VTA1: variants seen among roughly 807,000 people sequenced by gnomAD.
The protein encoded by VTA1 is vesicle trafficking 1.
Under a neutral mutation model 36.9 loss-of-function variants are expected in VTA1, and 24 were observed. The observed-to-expected ratio is 0.65, with a 90% CI of 0.47 to 0.91. The LOEUF is 0.91. Ranked by LOEUF, VTA1 falls within the 40% of genes least tolerant of loss-of-function variation. The probability of loss-of-function intolerance (pLI) is 0.00; values close to 1 mark genes in which losing one functional copy is unlikely to be tolerated. For missense variants in VTA1, 393 were observed against 377.2 expected (o/e 1.04, Z -0.35); for synonymous variants, 142 against 130.2 (o/e 1.09, Z -0.62).
chr6:142,155,537 G>A (rs1211045401), intron 1 of VTA1, among the ~76,000 whole-genome samples: 3 of 152,064 alleles, frequency 2.0e-5, no homozygotes, highest in South Asian at 2.1e-4. Context: ...TGTGGAATAC[G>A]GAATTATTAT....
intron 1 of VTA1, among the ~76,000 whole-genome samples, chr6:142,161,809 A>AGTGTACTTAAACTGAGTTTTC (rs1408031402): frequency 1.3e-5 from 2 of 152,114 alleles, no homozygotes; most frequent in African/African-American, 2.4e-5. Flanking sequence ...AAGATGTTTT[A>AGTGTACTTAAACTGAGTTTTC]GTGTACTTAA....
chr6:142,151,273 T>TA (rs1343675442), intron 1 of VTA1, among the ~76,000 whole-genome samples: 4 of 152,192 alleles, frequency 2.6e-5, no homozygotes, highest in South Asian at 2.1e-4. Context: ...CAGAGTCTCT[T>TA]ACATTTATAC....
At chr6:142,204,096 T>C in intron 7 of VTA1, 31 bp downstream of exon 7, 2 of 1,591,212 alleles carry the variant, frequency 1.3e-6, no homozygotes, top group East Asian at 2.2e-5. Flanking sequence ...GTGAGATACA[T>C]TTATCTCCTG....
Position 142,218,776 on chromosome 6 carries a change from A to G in VTA1, c.*133A>G, listed in dbSNP as rs1404869778. ...GAATATGACAATGAAATCTGTGTGT[A>G]TCAGATTTTTATTGAAGCATTCATC... is the stretch of plus-strand genomic sequence containing the variant. On this transcript the variant is annotated 3_prime_UTR_variant, in exon 8 of 8. Coordinates refer to ENST00000367630, the MANE Select transcript of VTA1 (RefSeq NM_016485.5). The G allele has an allele frequency of 4.7e-6, 5 of 1,073,966 alleles. No homozygotes were observed. Among genetic ancestry groups the G allele is most frequent in the Non-Finnish European group, 6.3e-6 (5 of 788,208 alleles). The allele number at this position is 1,073,966 out of a possible 1,614,324, so 66.5% of individuals were successfully genotyped here.
chr6:142,200,652 G>GT (rs1201201929), intron 6 of VTA1, among the ~76,000 whole-genome samples: 11 of 151,930 alleles, frequency 7.2e-5, no homozygotes, highest in African/African-American at 2.7e-4. Flanking sequence ...CTAATACACA[G>GT]TGTATCCTGG....
At chr6:142,195,496 A>G (rs1237319813) in intron 5 of VTA1, among the ~76,000 whole-genome samples, 2 of 144,686 alleles carry the variant, frequency 1.4e-5, no homozygotes, top group Non-Finnish European at 3.1e-5. Flanking sequence ...AGATGTTTTA[A>G]TTTTTTTTAT....
intron 1 of VTA1, among the ~76,000 whole-genome samples, chr6:142,157,757 A>G (rs1187616158): frequency 5.3e-5 from 8 of 152,158 alleles, no homozygotes; most frequent in African/African-American, 1.7e-4. Flanking sequence ...TGCTTGATAT[A>G]AGTTCCTACT....
chr6:142,181,404 A>G (rs1236407272), intron 4 of VTA1, among the ~76,000 whole-genome samples: 13 of 148,104 alleles, frequency 8.8e-5, no homozygotes, highest in Admixed American at 6.0e-4. Context: ...AAGTGCTGGG[A>G]TTACAGGCAT....
chr6:142,160,281 A>T (rs755521206), intron 1 of VTA1, among the ~76,000 whole-genome samples: 4 of 152,220 alleles, frequency 2.6e-5, no homozygotes, highest in Non-Finnish European at 4.4e-5. Flanking sequence ...ACCCAGGGTA[A>T]CATATAGAAC....
intron 5 of VTA1, among the ~76,000 whole-genome samples, chr6:142,190,083 T>G (rs1775425604): frequency 1.3e-5 from 2 of 152,180 alleles, no homozygotes; most frequent in African/African-American, 2.4e-5. Context: ...ATTTCATTCC[T>G]GTTACATAGG....
intron 1 of VTA1, among the ~76,000 whole-genome samples, chr6:142,160,069 A>G (rs1171770581): frequency 6.6e-6 from 1 of 152,148 alleles, no homozygotes; most frequent in African/African-American, 2.4e-5. Context: ...TGAATTTTAC[A>G]TTCTTGAATG....
chr6:142,211,711 TTAAAAAAAAA>T (rs1775908033), intron 7 of VTA1, among the ~76,000 whole-genome samples: 1 of 72,918 alleles, frequency 1.4e-5, no homozygotes, highest in African/African-American at 4.0e-5. Context: ...ACTCCATCTC[TTAAAAAAAAA>T]AAAAAAAATG....
rs900973911 is a variant in VTA1 at position 142,223,022 on chromosome 6, G to A, written c.*4379G>A. On this transcript the variant is annotated 3_prime_UTR_variant, in exon 8 of 8. Coordinates refer to ENST00000367630, the MANE Select transcript of VTA1 (RefSeq NM_016485.5). ...TCAGATCATAAGAAGTATCATCCATGTCAGTAAGTCACCTGTTACATTGTA... is the reference window on the plus strand; with the variant it reads ...TCAGATCATAAGAAGTATCATCCATATCAGTAAGTCACCTGTTACATTGTA... The A allele has an allele frequency of 2.6e-5, 4 of 152,152 alleles. No homozygotes were observed. Among genetic ancestry groups the A allele is most frequent in the African/African-American group, 9.7e-5 (4 of 41,420 alleles). The allele number at this position is 152,152 out of a possible 1,614,324, so 9.4% of individuals were successfully genotyped here. A position where few individuals can be genotyped will look rare whatever the true frequency, so the allele number is the denominator to read the frequency against.
intron 7 of VTA1, among the ~76,000 whole-genome samples, chr6:142,209,337 A>C (rs1178687256): frequency 2.0e-5 from 3 of 151,898 alleles, no homozygotes; most frequent in Non-Finnish European, 4.4e-5. Flanking sequence ...CTAACTAAAG[A>C]AGTTAGTTAT....
At chr6:142,167,101 A>C (rs546721410) in intron 2 of VTA1, among the ~76,000 whole-genome samples, 2 of 152,296 alleles carry the variant, frequency 1.3e-5, no homozygotes, top group South Asian at 4.1e-4. Flanking sequence ...AGGGCAAGAT[A>C]TTCTTATGGT....
chr6:142,175,248 C>T (rs752442438), intron 4 of VTA1, among the ~76,000 whole-genome samples: 8 of 152,054 alleles, frequency 5.3e-5, no homozygotes, highest in Admixed American at 1.3e-4. Context: ...GAAGAACCTA[C>T]AGGAACTTCT....
chr6:142,178,495 G>A (rs1775167969), intron 4 of VTA1, among the ~76,000 whole-genome samples: 1 of 152,078 alleles, frequency 6.6e-6, no homozygotes, highest in African/African-American at 2.4e-5. Context: ...GAAGGAAAAG[G>A]ATACCAAGTA....
At chr6:142,184,461 T>C (rs1334741661) in intron 4 of VTA1, among the ~76,000 whole-genome samples, 1 of 152,156 alleles carries the variant, frequency 6.6e-6, no homozygotes, top group Non-Finnish European at 1.5e-5. Flanking sequence ...GGTTTCACAT[T>C]AGACTCTAAA....
intron 4 of VTA1, among the ~76,000 whole-genome samples, chr6:142,176,379 C>T (rs1445915697): frequency 6.6e-6 from 1 of 152,116 alleles, no homozygotes; most frequent in Non-Finnish European, 1.5e-5. Flanking sequence ...GAAAGAGAAA[C>T]AGAATAACTC....
Sources: gnomAD v4.1 joint callset for allele counts (sites outside exome capture counted in the v4.1 genomes callset) on GRCh38, gnomAD v4.1.1 for gene constraint, MANE v1.5 for transcripts, NCBI Gene and HGNC (gene_info 2026-07-23, HGNC 2026-07-21) for gene names.